NUP54: variants seen among roughly 807,000 people sequenced by gnomAD.
NUP54 encodes nucleoporin 54.
A neutral mutation model predicts 66.4 loss-of-function variants in NUP54; 27 were observed. The ratio of observed to expected loss-of-function variants is 0.41; its 90% confidence interval spans 0.30 to 0.56. The LOEUF is 0.56. Among genes scored for constraint, NUP54 ranks in the 20% least tolerant of loss-of-function variants. NUP54 has a pLI of 0.34. For missense variants in NUP54, 486 were observed against 596.3 expected, an observed-to-expected ratio of 0.82 and a Z score of 1.93; for synonymous variants, 206 against 210.7, an observed-to-expected ratio of 0.98 and a Z score of 0.19.
intron 11 of NUP54, among the ~76,000 whole-genome samples, chr4:76,116,545 C>A (rs1048113931): frequency 2.0e-5 from 3 of 152,156 alleles, no homozygotes; most frequent in Admixed American, 1.3e-4. Context: ...CTTTTTCACA[C>A]AATGTGAAAA....
At chr4:76,146,632 A>G (rs1161436475) in intron 1 of NUP54, among the ~76,000 whole-genome samples, 3 of 152,202 alleles carry the variant, frequency 2.0e-5, no homozygotes, top group Non-Finnish European at 2.9e-5. Context: ...CAAGAGGCAT[A>G]ACGTAAGAGA....
chr4:76,118,156 A>G lies in NUP54; in HGVS notation c.1203T>C (p.Tyr401=), dbSNP rs757524215. 2 of 1,613,708 alleles carry G rather than the reference A, an allele frequency of 1.2e-6. No homozygotes were observed. The highest frequency in any genetic ancestry group is 4.5e-5 in the East Asian group (2 of 44,858). ...ACTGCTCTTCATCAGCCTGAATGGC[A>G]TAACCACTCTTCCTTTGAATTTCCT... ...IKQEIQRKSG[Y]AIQADEEQLR... is the part of the protein sequence containing the mutation. The change falls in exon 10 of 12, where the codon TAT becomes TAC. Residue 401 remains tyrosine, a synonymous_variant. Coordinates refer to ENST00000264883, the MANE Select transcript of NUP54 (RefSeq NM_017426.4).
At chr4:76,134,936 G>A (rs1362650035) in intron 4 of NUP54, among the ~76,000 whole-genome samples, 1 of 152,030 alleles carries the variant, frequency 6.6e-6, no homozygotes, top group African/African-American at 2.4e-5. Flanking sequence ...AAGTAGGCTA[G>A]GCTAGGCTAT....
chr4:76,144,107 TCA>T, intron 3 of NUP54, 40 bp downstream of exon 3: 1 of 1,602,116 alleles, frequency 6.2e-7, no homozygotes, highest in Non-Finnish European at 8.5e-7. Context: ...TCAGCTAGTA[TCA>T]TCACGGTTTT....
At chr4:76,125,649 GGAGAGGGA>G (rs1430261673) in intron 8 of NUP54, among the ~76,000 whole-genome samples, 17 of 27,424 alleles carry the variant, frequency 6.2e-4, no homozygotes, top group African/African-American at 7.7e-4. Context: ...GGGGAGAGGG[GGAGAGGGA>G]GAGAGGGGGA....
rs568262469 is a variant in NUP54, at chr4:76,118,382, T to C, written c.1165-188A>G. 1.6e-5 allele frequency: 9 copies of C among 578,610 alleles called. 1 individual carries two copies. In the South Asian group the frequency reaches 1.6e-4, roughly 10 times the overall value. 35.8% of individuals were successfully genotyped at this position (578,610 alleles called of 1,614,324 possible). A position where few individuals can be genotyped will look rare whatever the true frequency, so the allele number is the denominator to read the frequency against. ...AAAAGTTATCATATAAATACAATGA[T>C]ATAGACTTAATTGTTTTTTTTGAGA... On this transcript the variant is annotated intron_variant, in intron 9 of 11. Transcript: ENST00000264883.
At chr4:76,137,665 C>A (rs572133208) in intron 3 of NUP54, among the ~76,000 whole-genome samples, 9 of 145,682 alleles carry the variant, frequency 6.2e-5, no homozygotes, top group African/African-American at 2.5e-4. Context: ...ATACCAATTT[C>A]TCTAATGGAA....
At chr4:76,130,073 C>T (rs1018954700) in intron 8 of NUP54, among the ~76,000 whole-genome samples, 2 of 130,446 alleles carry the variant, frequency 1.5e-5, no homozygotes, top group Admixed American at 9.0e-5. Context: ...CTCTGCCTCC[C>T]GGGTTCAAAC....
chr4:76,117,259 T>A (rs900381525), intron 11 of NUP54, among the ~76,000 whole-genome samples: 3 of 152,232 alleles, frequency 2.0e-5, no homozygotes, highest in Non-Finnish European at 4.4e-5. Context: ...ATTTCATTCT[T>A]TTTTCAAGGC....
chr4:76,125,969 G>A (rs369842167), intron 8 of NUP54, among the ~76,000 whole-genome samples: 43 of 152,168 alleles, frequency 2.8e-4, no homozygotes, highest in African/African-American at 8.9e-4. Context: ...ATGGAATACA[G>A]CCAACAACCA....
At chr4:76,138,702 C>T (rs1384290825) in intron 3 of NUP54, among the ~76,000 whole-genome samples, 4 of 152,136 alleles carry the variant, frequency 2.6e-5, no homozygotes, top group African/African-American at 9.7e-5. Context: ...ATTAGCACTT[C>T]AGTTAGGGCC....
intron 6 of NUP54, among the ~76,000 whole-genome samples, chr4:76,132,006 T>C (rs1730824528): frequency 6.6e-6 from 1 of 152,126 alleles, no homozygotes; most frequent in Non-Finnish European, 1.5e-5. Context: ...TGAAGGTGTA[T>C]ATGGAGAATC....
rs563556665 is a variant in NUP54, at chr4:76,130,727, C to A, written c.985G>T (p.Gly329Cys). 2.5e-6 allele frequency: 4 copies of A among 1,613,118 alleles called. No individual in the cohort carries two copies. In the South Asian group the frequency reaches 4.4e-5, roughly 18 times the overall value. The change falls in exon 8 of 12, where the codon GGT (glycine) becomes TGT (cysteine). Residue 329 changes from glycine to cysteine, a missense_variant. Coordinates refer to ENST00000264883, the MANE Select transcript of NUP54 (RefSeq NM_017426.4). ...SEKLIPVPMV[G>C]FKELLRRLKV... ...AGTCTTCGGAGAAGTTCCTTAAAAC[C>A]CACCATTGGTACAGGAATTAACCTG...
chr4:76,131,531 T>TA (rs1240697764), intron 6 of NUP54, among the ~76,000 whole-genome samples: 3 of 151,954 alleles, frequency 2.0e-5, no homozygotes, highest in Non-Finnish European at 4.4e-5. Context: ...AAAGAGTTCC[T>TA]ATACATCAAA....
chr4:76,125,063 G>A (rs1730409007), intron 8 of NUP54, among the ~76,000 whole-genome samples: 1 of 152,070 alleles, frequency 6.6e-6, no homozygotes, highest in African/African-American at 2.4e-5. Flanking sequence ...GACGAGGCAG[G>A]CAAATTACTT....
At chr4:76,131,888 G>T (rs1730817566) in intron 6 of NUP54, among the ~76,000 whole-genome samples, 1 of 152,134 alleles carries the variant, frequency 6.6e-6, no homozygotes, top group South Asian at 2.1e-4. Flanking sequence ...ACTTAGAGGT[G>T]TTAAGTAAAG....
chr4:76,141,092 A>AG (rs1268967345), intron 3 of NUP54, among the ~76,000 whole-genome samples: 1 of 152,212 alleles, frequency 6.6e-6, no homozygotes, highest in African/African-American at 2.4e-5. Flanking sequence ...CTTGATTCAC[A>AG]GGTATTGCCA....
At chr4:76,117,611 G>A in intron 11 of NUP54, 53 bp downstream of exon 11, 5 of 1,046,654 alleles carry the variant, frequency 4.8e-6, no homozygotes, top group Non-Finnish European at 5.9e-6. Flanking sequence ...ATCCTAATAG[G>A]TGTGAAGTGG....
At chr4:76,125,316 TCACACACACACACACACACACA>T (rs34954421) in intron 8 of NUP54, among the ~76,000 whole-genome samples, 1 of 125,284 alleles carries the variant, frequency 8.0e-6, no homozygotes, top group African/African-American at 2.7e-5. Flanking sequence ...TGAGACTCCA[TCACACACACACACACACACACA>T]CACACACACA....
Sources: allele counts gnomAD v4.1 joint callset (sites outside exome capture counted in the v4.1 genomes callset), GRCh38; gene constraint gnomAD v4.1.1; transcripts MANE v1.5; gene names NCBI Gene and HGNC (gene_info 2026-07-23, HGNC 2026-07-21).